The following VPS13B variants were observed in gnomAD, a reference collection of about 807,000 sequenced individuals.
VPS13B encodes the protein vacuolar protein sorting 13 homolog B, also known as intermembrane lipid transfer protein VPS13B.
Under a neutral mutation model 426.4 loss-of-function variants are expected in VPS13B, and 285 were observed. The ratio of observed to expected loss-of-function variants is 0.67; its 90% CI spans 0.61 to 0.74. VPS13B has a LOEUF of 0.74. Ranked by LOEUF, VPS13B falls within the 30% of genes least tolerant of loss-of-function variation. VPS13B has a pLI of 0.00. For missense variants in VPS13B, 4,537 were observed against 4,782.6 expected, an observed-to-expected ratio of 0.95 and a Z score of 1.51; for synonymous variants, 1,676 against 1,676.4, an observed-to-expected ratio of 1.00 and a Z score of 0.01.
intron 55 of VPS13B, among the ~76,000 whole-genome samples, chr8:99,851,010 A>T (rs1211425307): frequency 6.6e-6 from 1 of 152,214 alleles, no homozygotes; most frequent in East Asian, 1.9e-4. Flanking sequence ...GGACTCTGCT[A>T]ATTTGAATTT....
intron 15 of VPS13B, among the ~76,000 whole-genome samples, chr8:99,164,328 A>G (rs1411695237): frequency 6.6e-6 from 1 of 152,182 alleles, no homozygotes; most frequent in Non-Finnish European, 1.5e-5. Context: ...AGGTTGGTAT[A>G]AGTATTTGAA....
chr8:99,830,676 A>G (rs1393997967), intron 51 of VPS13B, among the ~76,000 whole-genome samples: 1 of 152,102 alleles, frequency 6.6e-6, no homozygotes, highest in Non-Finnish European at 1.5e-5. Flanking sequence ...CTAGCTCGGT[A>G]TCTGCCCAAA....
intron 23 of VPS13B, among the ~76,000 whole-genome samples, chr8:99,459,245 G>A (rs1818704381): frequency 1.3e-5 from 2 of 152,112 alleles, no homozygotes; most frequent in Non-Finnish European, 2.9e-5. Context: ...CGTTGAGTTG[G>A]TTGATAATCC....
At chr8:99,407,636 C>CTT (rs76220463) in intron 21 of VPS13B, among the ~76,000 whole-genome samples, 25,878 of 149,902 alleles carry the variant, frequency 0.17, 2,710 homozygotes, top group East Asian at 0.38. Context: ...ATTTTCTTTT[C>CTT]TTTTTTTTTG....
At chr8:99,705,521 C>A (rs1240279665) in intron 36 of VPS13B, among the ~76,000 whole-genome samples, 1 of 151,442 alleles carries the variant, frequency 6.6e-6, no homozygotes, top group Non-Finnish European at 1.5e-5. Context: ...TTTTTGACAC[C>A]CTCAAGAAAG....
At chr8:99,434,758 G>T (rs567096424) in intron 22 of VPS13B, among the ~76,000 whole-genome samples, 1 of 152,160 alleles carries the variant, frequency 6.6e-6, no homozygotes, top group African/African-American at 2.4e-5. Context: ...TGTCGTTCTT[G>T]TGTAATTAAC....
At chr8:99,400,694 C>T (rs1000767715) in intron 21 of VPS13B, among the ~76,000 whole-genome samples, 5 of 151,794 alleles carry the variant, frequency 3.3e-5, no homozygotes, top group African/African-American at 1.2e-4. Flanking sequence ...TGTTTTGTGG[C>T]GGAGTCTCGC....
chr8:99,328,912 T>C (rs766201765), intron 19 of VPS13B, among the ~76,000 whole-genome samples: 3 of 152,128 alleles, frequency 2.0e-5, no homozygotes, highest in Non-Finnish European at 4.4e-5. Flanking sequence ...ATTAAAAATC[T>C]TTGTAAGTTT....
intron 42 of VPS13B, among the ~76,000 whole-genome samples, chr8:99,780,451 C>A (rs959366172): frequency 6.6e-6 from 1 of 152,110 alleles, no homozygotes; most frequent in Non-Finnish European, 1.5e-5. Context: ...CACAGCTATA[C>A]ATATAAATAA....
chr8:99,830,836 T>C (rs530409455), intron 51 of VPS13B, among the ~76,000 whole-genome samples: 35 of 152,168 alleles, frequency 2.3e-4, no homozygotes, highest in African/African-American at 8.4e-4. Context: ...CCTCATGGCT[T>C]CCTTTGGCTA....
At position 99,115,994 on chromosome 8, in the gene VPS13B, A is replaced by G. The variant is rs1016368132; in HGVS notation, c.937+120A>G. 14 of 1,063,008 alleles carry G rather than the reference A, an allele frequency of 1.3e-5. No homozygotes were observed. The African/African-American group carries it at 1.6e-4, about 12-fold the overall frequency. 65.8% of individuals were successfully genotyped at this position (1,063,008 alleles called of 1,614,324 possible). A position where few individuals can be genotyped will look rare whatever the true frequency, so the allele number is the denominator to read the frequency against. On this transcript the variant is annotated intron_variant, in intron 7 of 61. Transcript: ENST00000357162. ...TACAGTATTCTAATGAGATGGGCTGATTGTTTTTTGGTTGTTTTACACTAT... is the reference window on the plus strand; with the variant it reads ...TACAGTATTCTAATGAGATGGGCTGGTTGTTTTTTGGTTGTTTTACACTAT...
intron 3 of VPS13B, among the ~76,000 whole-genome samples, chr8:99,063,293 G>A (rs571510162): frequency 6.6e-6 from 1 of 152,342 alleles, no homozygotes; most frequent in South Asian, 2.1e-4. Context: ...AGTGCAAGGG[G>A]TCGGGGGATT....
intron 33 of VPS13B, among the ~76,000 whole-genome samples, chr8:99,581,946 A>G (rs1383727895): frequency 6.6e-6 from 1 of 152,210 alleles, no homozygotes; most frequent in Admixed American, 6.5e-5. Context: ...TACAACAGGC[A>G]CGTTATTTGG....
intron 37 of VPS13B, 48 bp downstream of exon 37, chr8:99,717,421 C>T: frequency 6.6e-7 from 1 of 1,515,182 alleles, no homozygotes; most frequent in East Asian, 2.3e-5. Flanking sequence ...TAACTAGCCT[C>T]TGTTCATTTT....
intron 33 of VPS13B, among the ~76,000 whole-genome samples, chr8:99,632,544 T>G (rs554211000): frequency 6.6e-6 from 1 of 152,108 alleles, no homozygotes; most frequent in East Asian, 1.9e-4. Flanking sequence ...GAGAATACTT[T>G]GAATTTCCAA....
chr8:99,106,383 C>T lies in VPS13B; in HGVS notation c.580+3263C>T, dbSNP rs990774751. Reference sequence around the variant, plus strand: ...CCAGGAGGCGGAGGCTGCAGTGAGTCGAAATTGTGCCACTGCACTCTAGCC... The same window carrying T: ...CCAGGAGGCGGAGGCTGCAGTGAGTTGAAATTGTGCCACTGCACTCTAGCC... On this transcript the variant is annotated intron_variant, in intron 5 of 61. Coordinates refer to ENST00000357162, the MANE Select transcript of VPS13B (RefSeq NM_152564.5). Among the ~76,000 whole-genome samples, 19 of 131,054 alleles carry T rather than the reference C, an allele frequency of 1.4e-4. 1 individual carries two copies. The highest frequency in any genetic ancestry group is 5.3e-4 in the African/African-American group (18 of 33,878). 86.0% of individuals were successfully genotyped at this position (131,054 alleles called of 152,430 possible).
Position 99,383,393 on chromosome 8 carries a change from C to T in VPS13B, c.2825-815C>T, listed in dbSNP as rs142245383. Among the ~76,000 whole-genome samples the T allele has an allele frequency of 4.1e-3, 627 of 151,914 alleles. 1 individual carries two copies. The highest frequency in any genetic ancestry group is 7.6e-3 in the Admixed American group (116 of 15,248). ...TAGGAATATTTTACCTAAAGTATTC[C>T]ATTTTCAGGGCCAATATAAAAATTG... On this transcript the variant is annotated intron_variant, in intron 19 of 61. Coordinates refer to ENST00000357162, the MANE Select transcript of VPS13B (RefSeq NM_152564.5).
At chr8:99,149,695 G>A (rs771956382) in intron 14 of VPS13B, among the ~76,000 whole-genome samples, 29 of 151,452 alleles carry the variant, frequency 1.9e-4, no homozygotes, top group Admixed American at 1.8e-3. Flanking sequence ...CCTGGGATGC[G>A]GACCAGTACT....
intron 17 of VPS13B, among the ~76,000 whole-genome samples, chr8:99,205,545 C>T (rs931279532): frequency 1.3e-5 from 2 of 152,114 alleles, no homozygotes; most frequent in Non-Finnish European, 2.9e-5. Flanking sequence ...TTACTTTTCA[C>T]ATACTTTACA....
Sources: allele counts gnomAD v4.1 joint callset (sites outside exome capture counted in the v4.1 genomes callset), GRCh38; gene constraint gnomAD v4.1.1; transcripts MANE v1.5; gene names NCBI Gene and HGNC (gene_info 2026-07-23, HGNC 2026-07-21).